Variants in SUPT3H observed in about 807,000 individuals in gnomAD.
SUPT3H encodes transcription initiation protein SPT3 homolog.
A neutral mutation model predicts 44.3 loss-of-function variants in SUPT3H; 44 were observed. The ratio of observed to expected loss-of-function variants is 0.99; its 90% CI spans 0.78 to 1.28. SUPT3H has a LOEUF of 1.28. Among genes scored for constraint, SUPT3H ranks in the 50% most tolerant of loss-of-function variants. The pLI is 0.00. For synonymous variants in SUPT3H, 124 were observed against 125.6 expected, an observed-to-expected ratio of 0.99 and a Z score of 0.09; for missense variants, 380 against 387.1, an observed-to-expected ratio of 0.98 and a Z score of 0.15.
chr6:45,040,451 G>C (rs1788357089), intron 3 of SUPT3H, among the ~76,000 whole-genome samples: 1 of 152,164 alleles, frequency 6.6e-6, no homozygotes, highest in Non-Finnish European at 1.5e-5. Context: ...ATAGTTGTTT[G>C]AAAGTTTTGA....
intron 2 of SUPT3H, among the ~76,000 whole-genome samples, chr6:45,113,870 A>G (rs1800451711): frequency 6.6e-6 from 1 of 151,594 alleles, no homozygotes; most frequent in African/African-American, 2.4e-5. Context: ...CTAAGACAAC[A>G]GATTTCCTAG....
chr6:44,825,543 G>A (rs1767676908), downstream of SUPT3H, among the ~76,000 whole-genome samples: 1 of 152,212 alleles, frequency 6.6e-6, no homozygotes, highest in Non-Finnish European at 1.5e-5. Context: ...CATTTAATCT[G>A]CTGTTCCTCA....
At chr6:45,081,669 A>G (rs138680762) in intron 3 of SUPT3H, among the ~76,000 whole-genome samples, 2 of 152,160 alleles carry the variant, frequency 1.3e-5, no homozygotes, top group African/African-American at 4.8e-5. Flanking sequence ...TATATACACT[A>G]TAATTGTGGA....
intron 3 of SUPT3H, among the ~76,000 whole-genome samples, chr6:45,074,597 T>G (rs1161448107): frequency 6.6e-6 from 1 of 152,042 alleles, no homozygotes; most frequent in East Asian, 1.9e-4. Flanking sequence ...GCACACTCTA[T>G]GTAATTGCAC....
intron 2 of SUPT3H, among the ~76,000 whole-genome samples, chr6:45,181,235 T>C (rs1813113325): frequency 7.8e-6 from 1 of 128,482 alleles, no homozygotes; most frequent in African/African-American, 3.0e-5. Flanking sequence ...GGAGAGGATG[T>C]GGAGAAATAG....
intron 2 of SUPT3H, among the ~76,000 whole-genome samples, chr6:45,253,343 T>G (rs1043167333): frequency 5.3e-5 from 8 of 152,216 alleles, no homozygotes; most frequent in Non-Finnish European, 1.0e-4. Context: ...AACCTATTTT[T>G]GTAGACAACA....
At chr6:45,003,866 T>G in intron 5 of SUPT3H, 74 bp from the exon 6 acceptor site, 1 of 1,470,650 alleles carries the variant, frequency 6.8e-7, no homozygotes, top group Non-Finnish European at 9.2e-7. Flanking sequence ...ATTACATGTA[T>G]TAAATATAGT....
intron 6 of SUPT3H, among the ~76,000 whole-genome samples, chr6:44,971,431 C>T (rs1185906045): frequency 6.6e-6 from 1 of 152,240 alleles, no homozygotes; most frequent in East Asian, 1.9e-4. Context: ...AACTTACAAT[C>T]ATGGCAGAAG....
At chr6:45,064,046 G>C (rs1340654344) in intron 3 of SUPT3H, among the ~76,000 whole-genome samples, 56 of 58,712 alleles carry the variant, frequency 9.5e-4, no homozygotes, top group Non-Finnish European at 1.7e-3. Context: ...AAAATGTTAA[G>C]GGCAGCCAGA....
chr6:45,131,643 C>T (rs1402039574), intron 2 of SUPT3H, among the ~76,000 whole-genome samples: 3 of 152,122 alleles, frequency 2.0e-5, no homozygotes, highest in African/African-American at 7.2e-5. Context: ...AAAAGATATT[C>T]AGATTGACGG....
At chr6:45,282,229 C>A (rs1778258423) in intron 2 of SUPT3H, among the ~76,000 whole-genome samples, 1 of 152,162 alleles carries the variant, frequency 6.6e-6, no homozygotes, top group Non-Finnish European at 1.5e-5. Flanking sequence ...CAGAGCAAAG[C>A]TGGATGGAGA....
intron 1 of SUPT3H, among the ~76,000 whole-genome samples, chr6:45,376,220 T>C (rs1796753878): frequency 6.6e-6 from 1 of 152,210 alleles, no homozygotes; most frequent in African/African-American, 2.4e-5. Flanking sequence ...AACAGACCCA[T>C]GGTCTGAACT....
intron 2 of SUPT3H, among the ~76,000 whole-genome samples, chr6:45,216,417 A>C (rs1477639774): frequency 6.6e-6 from 1 of 152,212 alleles, no homozygotes; most frequent in Non-Finnish European, 1.5e-5. Context: ...GAAAACAATT[A>C]ACAAAATGAT....
intron 2 of SUPT3H, among the ~76,000 whole-genome samples, chr6:45,191,042 T>G (rs973772189): frequency 6.6e-6 from 1 of 152,074 alleles, no homozygotes; most frequent in African/African-American, 2.4e-5. Context: ...TACTATATGA[T>G]CCAGCAATCA....
In SUPT3H at chr6:45,248,884, C is replaced by T. The variant is rs559650867; in HGVS notation, c.101+116317G>A. Among the ~76,000 whole-genome samples the T allele has an allele frequency of 4.1e-5, 6 of 147,536 alleles. No individual in the cohort carries two copies. In the East Asian group the frequency reaches 1.2e-3, roughly 29 times the overall value. On this transcript the variant is annotated intron_variant, in intron 2 of 10. Coordinates refer to ENST00000371459, the MANE Select transcript of SUPT3H (RefSeq NM_003599.4). ...GAGCTGAAATCACGCCACTGCACTC[C>T]AGCCTGGTGACAGAGCAAGACTCCA...
chr6:44,939,244 T>C (rs1477778898), intron 9 of SUPT3H, among the ~76,000 whole-genome samples: 2 of 152,084 alleles, frequency 1.3e-5, no homozygotes, highest in Non-Finnish European at 2.9e-5. Context: ...TATATTCCTT[T>C]TAGGCCTAGT....
chr6:45,332,361 A>T (rs1787689839), intron 2 of SUPT3H, among the ~76,000 whole-genome samples: 1 of 150,884 alleles, frequency 6.6e-6, no homozygotes, highest in Non-Finnish European at 1.5e-5. Context: ...TATATATTTA[A>T]AAAAAAGGAA....
chr6:44,951,293 C>T (rs193248983), intron 9 of SUPT3H, among the ~76,000 whole-genome samples: 32 of 150,632 alleles, frequency 2.1e-4, no homozygotes, highest in African/African-American at 7.6e-4. Context: ...ATTTGGAAAC[C>T]AGTATATGCC....
At chr6:45,177,466 G>A (rs1049815817) in intron 2 of SUPT3H, among the ~76,000 whole-genome samples, 7 of 152,150 alleles carry the variant, frequency 4.6e-5, no homozygotes, top group African/African-American at 1.7e-4. Flanking sequence ...AAGTGACGGG[G>A]AGAATGGAAC....
Sources: allele counts gnomAD v4.1 joint callset (sites outside exome capture counted in the v4.1 genomes callset), GRCh38; gene constraint gnomAD v4.1.1; transcripts MANE v1.5; gene names NCBI Gene and HGNC (gene_info 2026-07-23, HGNC 2026-07-21).